Variants in CELF4 observed in about 807,000 individuals in gnomAD.
CELF4 encodes the protein CUGBP Elav-like family member 4, also known as CUG-BP- and ETR-3-like factor 4.
In CELF4, 18 loss-of-function variants were observed where a neutral mutation model predicts 59.9. The ratio of observed to expected loss-of-function variants is 0.30; its 90% CI spans 0.21 to 0.45. CELF4 has a LOEUF of 0.45. CELF4 is among the 20% of genes least tolerant of loss of function. CELF4 has a pLI of 1.00. For synonymous variants in CELF4, 261 were observed against 267.1 expected (o/e 0.98, Z 0.22); for missense variants, 456 against 689.0 (o/e 0.66, Z 3.79).
chr18:37,296,221 T>C (rs2095630693), intron 3 of CELF4, among the ~76,000 whole-genome samples: 1 of 152,234 alleles, frequency 6.6e-6, no homozygotes, highest in Non-Finnish European at 1.5e-5. Context: ...AGTGGCACTT[T>C]CATGGCTTAC....
At chr18:37,388,436 T>C (rs1268568294) in intron 2 of CELF4, among the ~76,000 whole-genome samples, 1 of 150,236 alleles carries the variant, frequency 6.7e-6, no homozygotes, top group African/African-American at 2.4e-5. Context: ...TCCCCCCTCC[T>C]TCTCTCTCCT....
chr18:37,295,536 C>G (rs1211545623), intron 3 of CELF4, among the ~76,000 whole-genome samples: 1 of 152,156 alleles, frequency 6.6e-6, no homozygotes, highest in Non-Finnish European at 1.5e-5. Flanking sequence ...ATGCTGGAGG[C>G]AGGGAGGCAT....
At chr18:37,400,765 A>G (rs559282104) in intron 2 of CELF4, among the ~76,000 whole-genome samples, 1 of 152,338 alleles carries the variant, frequency 6.6e-6, no homozygotes, top group Admixed American at 6.5e-5. Flanking sequence ...CTAGTTTTTG[A>G]GAAATTTGAC....
intron 2 of CELF4, among the ~76,000 whole-genome samples, chr18:37,413,033 A>C (rs778149898): frequency 6.6e-6 from 1 of 152,082 alleles, no homozygotes; most frequent in Non-Finnish European, 1.5e-5. Context: ...CACACACATT[A>C]TTGGCTCGCT....
At chr18:37,505,451 T>C (rs950428028) in intron 1 of CELF4, among the ~76,000 whole-genome samples, 2 of 152,182 alleles carry the variant, frequency 1.3e-5, no homozygotes, top group Non-Finnish European at 2.9e-5. Context: ...AACATGGGAA[T>C]GGGCATAACT....
chr18:37,337,131 G>T (rs866412540), intron 2 of CELF4, among the ~76,000 whole-genome samples: 2 of 151,900 alleles, frequency 1.3e-5, no homozygotes, highest in Non-Finnish European at 1.5e-5. Flanking sequence ...GTGGCTCAGA[G>T]ACACTGGTCA....
At chr18:37,366,364 G>A (rs2154562641) in intron 2 of CELF4, among the ~76,000 whole-genome samples, 2 of 152,240 alleles carry the variant, frequency 1.3e-5, no homozygotes, top group South Asian at 2.1e-4. Context: ...CTGTGTCCAG[G>A]CCCTCACTTC....
At chr18:37,524,908 C>G (rs780558077) in intron 1 of CELF4, among the ~76,000 whole-genome samples, 1 of 152,110 alleles carries the variant, frequency 6.6e-6, no homozygotes, top group African/African-American at 2.4e-5. Context: ...GCGGCTGCGC[C>G]CCAGTCCCGA....
intron 1 of CELF4, among the ~76,000 whole-genome samples, chr18:37,505,869 A>G (rs2099937264): frequency 6.6e-6 from 1 of 152,218 alleles, no homozygotes; most frequent in South Asian, 2.1e-4. Flanking sequence ...GATGCCATTA[A>G]GCAGAAGTGT....
At chr18:37,335,302 T>C (rs1224814051) in intron 2 of CELF4, among the ~76,000 whole-genome samples, 1 of 151,732 alleles carries the variant, frequency 6.6e-6, no homozygotes, top group Admixed American at 6.6e-5. Context: ...GGCTCAGGTG[T>C]GGGTGTGAAT....
intron 1 of CELF4, among the ~76,000 whole-genome samples, chr18:37,497,266 A>G (rs1003189314): frequency 5.3e-5 from 8 of 152,162 alleles, no homozygotes; most frequent in African/African-American, 1.9e-4. Flanking sequence ...TCTTCTGTGG[A>G]TGGAGTGAAA....
At chr18:37,396,475 GAAAC>G in intron 2 of CELF4, among the ~76,000 whole-genome samples, 1 of 152,306 alleles carries the variant, frequency 6.6e-6, no homozygotes, top group East Asian at 1.9e-4. Flanking sequence ...CAGACAAACA[GAAAC>G]AAATAAAAGA....
At chr18:37,532,250 G>A (rs1424512155) in intron 1 of CELF4, among the ~76,000 whole-genome samples, 1 of 152,214 alleles carries the variant, frequency 6.6e-6, no homozygotes. Flanking sequence ...CCCCAAGTCA[G>A]CCCCTCAGGA....
At chr18:37,292,460 C>T (rs1331595012) in intron 3 of CELF4, among the ~76,000 whole-genome samples, 1 of 152,188 alleles carries the variant, frequency 6.6e-6, no homozygotes, top group Non-Finnish European at 1.5e-5. Flanking sequence ...CAGAAGTGCC[C>T]ACTCATTCAG....
chr18:37,338,536 G>A (rs145620490), intron 2 of CELF4, among the ~76,000 whole-genome samples: 5 of 152,004 alleles, frequency 3.3e-5, no homozygotes, highest in South Asian at 2.1e-4. Flanking sequence ...CTGGGGTGGC[G>A]GGGGGGCTGT....
chr18:37,356,471 T>C (rs1328645852), intron 2 of CELF4, among the ~76,000 whole-genome samples: 3 of 151,632 alleles, frequency 2.0e-5, no homozygotes, highest in African/African-American at 7.3e-5. Flanking sequence ...AGGTCAAAGG[T>C]GCTGGGAAGG....
rs1157428314 is a variant in CELF4, at chr18:37,244,321, A to G, written c.*921T>C. The G allele has an allele frequency of 6.6e-6, 1 of 152,526 alleles. No homozygotes were observed. Among genetic ancestry groups the G allele is most frequent in the Admixed American group, 6.5e-5 (1 of 15,272 alleles). The allele number at this position is 152,526 out of a possible 1,614,324, so 9.4% of individuals were successfully genotyped here. A position where few individuals can be genotyped will look rare whatever the true frequency, so the allele number is the denominator to read the frequency against. ...TTCACAACAATGACCTTGCTTGGTAAGTCCCATTTGTTCCCCTCCTTGTTT... is the reference window on the plus strand; with the variant it reads ...TTCACAACAATGACCTTGCTTGGTAGGTCCCATTTGTTCCCCTCCTTGTTT... On this transcript the variant is annotated 3_prime_UTR_variant, in exon 13 of 13. Coordinates refer to ENST00000420428, the MANE Select transcript of CELF4 (RefSeq NM_020180.4).
At chr18:37,252,570 C>A (rs2066170517) in intron 12 of CELF4, among the ~76,000 whole-genome samples, 1 of 151,578 alleles carries the variant, frequency 6.6e-6, no homozygotes, top group African/African-American at 2.4e-5. Flanking sequence ...GCTGTTCCTA[C>A]TCCACTCTGC....
rs375169163 is a variant in CELF4 at position 37,273,013 on chromosome 18, C to T, written c.949+3G>A. 134 of 1,603,068 alleles carry T rather than the reference C, an allele frequency of 8.4e-5. No individual in the cohort carries two copies. Among genetic ancestry groups the T allele is most frequent in the Non-Finnish European group, 1.1e-4 (129 of 1,173,130 alleles). On this transcript the variant is annotated splice_donor_region_variant and intron_variant, in intron 7 of 12. Transcript: ENST00000420428. ...GACCGCGTGTTGGCACCTGCCAGCT[C>T]ACCTGAGGTTGGGGTCATAGGTGCG...
Sources: allele counts gnomAD v4.1 joint callset (sites outside exome capture counted in the v4.1 genomes callset), GRCh38; gene constraint gnomAD v4.1.1; transcripts MANE v1.5; gene names NCBI Gene and HGNC (gene_info 2026-07-23, HGNC 2026-07-21).